Variants in RBM6 observed in about 807,000 individuals in gnomAD.
The protein encoded by RBM6 is RNA-binding protein 6.
Under a neutral mutation model 140.4 loss-of-function variants are expected in RBM6, and 23 were observed. The ratio of observed to expected loss-of-function variants is 0.16; its 90% confidence interval spans 0.12 to 0.23. The LOEUF (loss-of-function observed/expected upper bound fraction) is 0.23, where lower values mean the gene tolerates loss of function less well. RBM6 is among the 10% of genes least tolerant of loss of function. RBM6 has a pLI of 1.00. For missense variants in RBM6, 1,139 were observed against 1,386.7 expected, an observed-to-expected ratio of 0.82 and a Z score of 2.84; for synonymous variants, 439 against 475.6, an observed-to-expected ratio of 0.92 and a Z score of 1.00.
intron 6 of RBM6, among the ~76,000 whole-genome samples, chr3:50,014,347 G>T (rs2087006465): frequency 1.3e-5 from 2 of 152,166 alleles, no homozygotes; most frequent in Non-Finnish European, 2.9e-5. Flanking sequence ...ATAATCAAAG[G>T]TAATAAACAT....
chr3:50,012,391 TC>T (rs1173815512), intron 6 of RBM6, among the ~76,000 whole-genome samples: 2 of 151,108 alleles, frequency 1.3e-5, no homozygotes. Context: ...AGAGCCTCAC[TC>T]TGTCGCCCAG....
intron 1 of RBM6, among the ~76,000 whole-genome samples, chr3:49,958,624 G>A (rs1050194787): frequency 1.4e-5 from 2 of 145,512 alleles, no homozygotes; most frequent in Non-Finnish European, 3.0e-5. Context: ...GGTGGCGGGC[G>A]CCTGTAGTCC....
intron 7 of RBM6, among the ~76,000 whole-genome samples, chr3:50,052,987 GTGT>G (rs2089536101): frequency 8.1e-4 from 1 of 1,230 alleles, no homozygotes; most frequent in Non-Finnish European, 1.8e-3. Flanking sequence ...GTGGGCAGGG[GTGT>G]GTGTGTGTGT....
chr3:49,982,262 C>CT (rs751604271), intron 5 of RBM6, among the ~76,000 whole-genome samples: 1,869 of 68,436 alleles, frequency 0.027, 99 homozygotes, highest in Non-Finnish European at 0.039. Context: ...CTTTTCTTTT[C>CT]TTTTTTTTTT....
intron 18 of RBM6, among the ~76,000 whole-genome samples, chr3:50,069,837 G>A (rs2090242581): frequency 1.3e-5 from 2 of 152,186 alleles, no homozygotes; most frequent in Non-Finnish European, 2.9e-5. Flanking sequence ...CTCCATGTAA[G>A]AGCTGCTTTG....
chr3:50,034,830 C>CTA (rs2088413974), intron 6 of RBM6, among the ~76,000 whole-genome samples: 1 of 152,316 alleles, frequency 6.6e-6, no homozygotes, highest in East Asian at 1.9e-4. Context: ...AAATTCCAGT[C>CTA]TATAGCAAGG....
chr3:49,963,650 T>G (rs1214485091), intron 2 of RBM6, among the ~76,000 whole-genome samples: 1 of 152,184 alleles, frequency 6.6e-6, no homozygotes, highest in East Asian at 1.9e-4. Flanking sequence ...GAGAAAGTGG[T>G]AGCATTTAGT....
Position 50,058,340 on chromosome 3 carries a change from GA to G in RBM6, c.1970-61del, listed in dbSNP as rs1250892162. On this transcript the variant is annotated intron_variant, in intron 9 of 20. Transcript: ENST00000266022. ...TAAAAAATGACAGTCAGATTCTTGG[GA>G]CTTCAAAAATTTATCTTTCTCTCCC... 2.0e-6 allele frequency: 3 copies of G among 1,514,978 alleles called. No homozygotes were observed. The African/African-American group carries it at 4.1e-5, about 21-fold the overall frequency. The allele number at this position is 1,514,978 out of a possible 1,614,324, so 93.8% of individuals were successfully genotyped here. A position where few individuals can be genotyped will look rare whatever the true frequency, so the allele number is the denominator to read the frequency against.
intron 5 of RBM6, among the ~76,000 whole-genome samples, chr3:49,976,701 G>A (rs2085078500): frequency 6.6e-6 from 1 of 152,086 alleles, no homozygotes; most frequent in Admixed American, 6.6e-5. Flanking sequence ...TATTTAAATA[G>A]CAGTTCAAAC....
At chr3:50,065,795 C>T (rs1215225229) in intron 16 of RBM6, among the ~76,000 whole-genome samples, 3 of 152,172 alleles carry the variant, frequency 2.0e-5, no homozygotes, top group African/African-American at 7.2e-5. Flanking sequence ...TTGCCTTTAC[C>T]TTACATGTGA....
At chr3:50,015,667 C>T (rs1049501589) in intron 6 of RBM6, among the ~76,000 whole-genome samples, 5 of 147,808 alleles carry the variant, frequency 3.4e-5, no homozygotes, top group Non-Finnish European at 7.5e-5. Context: ...CTCCTGACCT[C>T]GTGATCCACC....
chr3:49,959,250 G>C (rs1439781262), intron 1 of RBM6, among the ~76,000 whole-genome samples: 1 of 146,384 alleles, frequency 6.8e-6, no homozygotes, highest in Admixed American at 6.9e-5. Context: ...GTGCAGTGGC[G>C]TGATCTCAGC....
intron 6 of RBM6, among the ~76,000 whole-genome samples, chr3:50,036,871 T>C (rs893730684): frequency 6.6e-6 from 1 of 152,150 alleles, no homozygotes; most frequent in Admixed American, 6.6e-5. Context: ...AGCCTCCGCC[T>C]CCTGGGTTCA....
chr3:50,042,570 C>CA (rs898489036), intron 6 of RBM6, among the ~76,000 whole-genome samples: 5 of 151,858 alleles, frequency 3.3e-5, no homozygotes, highest in Non-Finnish European at 5.9e-5. Flanking sequence ...CCCATCTCTA[C>CA]AAAAAAATTT....
At chr3:49,959,871 C>T (rs2084205875) in intron 1 of RBM6, among the ~76,000 whole-genome samples, 1 of 152,178 alleles carries the variant, frequency 6.6e-6, no homozygotes, top group Non-Finnish European at 1.5e-5. Context: ...CACGCCCGGC[C>T]TAGGTCTTGT....
intron 6 of RBM6, among the ~76,000 whole-genome samples, chr3:50,036,823 C>A (rs538973559): frequency 6.6e-6 from 1 of 152,048 alleles, no homozygotes; most frequent in Admixed American, 6.6e-5. Context: ...TGCTCTGTCG[C>A]GAGGCTAGAG....
intron 15 of RBM6, 129 bp downstream of exon 15, chr3:50,062,237 G>C (rs572688552): frequency 5.8e-4 from 646 of 1,108,178 alleles, no homozygotes; most frequent in Middle Eastern, 1.3e-3. Context: ...GGGCGTGGTG[G>C]CTAACGCCTG....
chr3:50,040,945 G>A (rs1313697155), intron 6 of RBM6, among the ~76,000 whole-genome samples: 5 of 152,038 alleles, frequency 3.3e-5, no homozygotes, highest in African/African-American at 9.7e-5. Flanking sequence ...GTGCCCAGCC[G>A]CAGAGTTCAT....
intron 6 of RBM6, among the ~76,000 whole-genome samples, chr3:50,014,408 A>G (rs2087009357): frequency 6.6e-6 from 1 of 152,242 alleles, no homozygotes. Context: ...AGAATGAGGG[A>G]GTAGTCAGAA....
Sources: gnomAD v4.1 joint callset for allele counts (sites outside exome capture counted in the v4.1 genomes callset) on GRCh38, gnomAD v4.1.1 for gene constraint, MANE v1.5 for transcripts, NCBI Gene and HGNC (gene_info 2026-07-23, HGNC 2026-07-21) for gene names.